The following TOX variants were observed in gnomAD, a reference collection of about 807,000 sequenced individuals.
TOX encodes the protein thymocyte selection-associated high mobility group box protein TOX.
A neutral mutation model predicts 53.7 loss-of-function variants in TOX; 11 were observed. The observed-to-expected ratio is 0.20, with a 90% CI of 0.13 to 0.34. TOX has a LOEUF of 0.34. Ranked by LOEUF, TOX falls within the 10% of genes least tolerant of loss-of-function variation. TOX has a pLI of 1.00. For missense variants in TOX, 570 were observed against 664.6 expected, an observed-to-expected ratio of 0.86 and a Z score of 1.56; for synonymous variants, 225 against 245.3, an observed-to-expected ratio of 0.92 and a Z score of 0.77.
intron 3 of TOX, among the ~76,000 whole-genome samples, chr8:58,884,552 G>A (rs1467650811): frequency 6.6e-6 from 1 of 152,132 alleles, no homozygotes; most frequent in Non-Finnish European, 1.5e-5. Flanking sequence ...AGCTTTGCAG[G>A]TATAAGAAGG....
chr8:58,932,191 G>A (rs1410098767), intron 3 of TOX, among the ~76,000 whole-genome samples: 3 of 150,994 alleles, frequency 2.0e-5, no homozygotes, highest in Non-Finnish European at 4.4e-5. Flanking sequence ...TCAAAACTAA[G>A]AACAAAAAAA....
chr8:58,922,376 C>A (rs901016072), intron 3 of TOX, among the ~76,000 whole-genome samples: 1 of 152,224 alleles, frequency 6.6e-6, no homozygotes, highest in African/African-American at 2.4e-5. Context: ...TTGAAATGTG[C>A]ATGCGTGTGT....
chr8:58,887,049 T>G (rs962513422), intron 3 of TOX, among the ~76,000 whole-genome samples: 4 of 151,910 alleles, frequency 2.6e-5, no homozygotes, highest in African/African-American at 9.7e-5. Context: ...TTATTAAATT[T>G]TAAAAATAGA....
chr8:58,871,334 T>C (rs1407760375), intron 3 of TOX, among the ~76,000 whole-genome samples: 1 of 152,126 alleles, frequency 6.6e-6, no homozygotes, highest in Non-Finnish European at 1.5e-5. Flanking sequence ...ATAGTGCATA[T>C]AGGAAAGTAG....
chr8:58,955,151 C>G (rs975229394), intron 2 of TOX, among the ~76,000 whole-genome samples: 14 of 152,086 alleles, frequency 9.2e-5, no homozygotes, highest in South Asian at 2.1e-4. Context: ...TTTTATCATT[C>G]TTATTTTTAA....
At chr8:58,929,718 A>G (rs1012812615) in intron 3 of TOX, among the ~76,000 whole-genome samples, 3 of 152,144 alleles carry the variant, frequency 2.0e-5, no homozygotes, top group Non-Finnish European at 4.4e-5. Flanking sequence ...TCAAGCAAAA[A>G]GCAAGTCAAA....
intron 5 of TOX, among the ~76,000 whole-genome samples, chr8:58,828,602 C>A (rs1360885205): frequency 6.6e-6 from 1 of 151,504 alleles, no homozygotes; most frequent in South Asian, 2.1e-4. Context: ...GAAATTCACA[C>A]GTGAAAACAA....
At chr8:59,116,772 G>A (rs1184188307) in intron 1 of TOX, among the ~76,000 whole-genome samples, 1 of 152,172 alleles carries the variant, frequency 6.6e-6, no homozygotes, top group African/African-American at 2.4e-5. Flanking sequence ...CTCGCAACTA[G>A]TCTACAGAAA....
intron 3 of TOX, among the ~76,000 whole-genome samples, chr8:58,908,230 A>T (rs973644162): frequency 1.3e-5 from 2 of 152,118 alleles, no homozygotes; most frequent in Non-Finnish European, 2.9e-5. Context: ...TCATCATAGA[A>T]CTGTACAGTA....
intron 1 of TOX, among the ~76,000 whole-genome samples, chr8:59,102,379 C>T (rs1804822086): frequency 6.6e-6 from 1 of 152,076 alleles, no homozygotes; most frequent in Non-Finnish European, 1.5e-5. Flanking sequence ...AGGCACATGC[C>T]ACCACACCTG....
In TOX at chr8:59,118,797, A is replaced by C; in HGVS notation, c.102+89T>G. 9.6e-7 allele frequency: 1 copy of C among 1,038,260 alleles called. No individual in the cohort carries two copies. Among genetic ancestry groups the C allele is most frequent in the African/African-American group, 1.7e-5 (1 of 58,148 alleles). The allele number at this position is 1,038,260 out of a possible 1,614,324, so 64.3% of individuals were successfully genotyped here. A position where few individuals can be genotyped will look rare whatever the true frequency, so the allele number is the denominator to read the frequency against. ...AGCGCGCCCGGGACCGGCCTCCGCC[A>C]AGCCGGCCCCGCCGCGGCCCGGCCA... On this transcript the variant is annotated intron_variant, in intron 1 of 8. Transcript: ENST00000361421. The surrounding 1 kb of genome is among the most constrained non-coding windows in gnomAD (Gnocchi z 4.1).
At chr8:58,926,351 A>C (rs1812159620) in intron 3 of TOX, among the ~76,000 whole-genome samples, 1 of 152,186 alleles carries the variant, frequency 6.6e-6, no homozygotes, top group South Asian at 2.1e-4. Flanking sequence ...ATGGGGGGAC[A>C]TGAGTATGCT....
intron 1 of TOX, among the ~76,000 whole-genome samples, chr8:58,976,615 C>A (rs747174658): frequency 6.6e-6 from 1 of 152,172 alleles, no homozygotes; most frequent in Non-Finnish European, 1.5e-5. Flanking sequence ...TTTTACTTTA[C>A]CTTTCCCAGG....
chr8:58,936,827 A>G (rs1393563086), intron 3 of TOX, among the ~76,000 whole-genome samples: 1 of 152,210 alleles, frequency 6.6e-6, no homozygotes, highest in Admixed American at 6.5e-5. Context: ...TAGAATCAAC[A>G]TCATTAACGA....
At chr8:58,895,419 C>G (rs956220336) in intron 3 of TOX, among the ~76,000 whole-genome samples, 1 of 152,126 alleles carries the variant, frequency 6.6e-6, no homozygotes, top group African/African-American at 2.4e-5. Context: ...TATTATCCTA[C>G]TCATTTTTGT....
At chr8:58,811,206 CATG>C (rs1810070252) in intron 7 of TOX, among the ~76,000 whole-genome samples, 3 of 152,136 alleles carry the variant, frequency 2.0e-5, no homozygotes, top group African/African-American at 7.2e-5. Flanking sequence ...TATGAAACAA[CATG>C]ATGACACACA....
At chr8:58,936,930 C>T (rs1347986115) in intron 3 of TOX, among the ~76,000 whole-genome samples, 1 of 152,222 alleles carries the variant, frequency 6.6e-6, no homozygotes, top group Non-Finnish European at 1.5e-5. Flanking sequence ...ATTGGTCCCT[C>T]AGTCCCACTA....
At chr8:59,016,263 T>G (rs977319993) in intron 1 of TOX, among the ~76,000 whole-genome samples, 1 of 152,174 alleles carries the variant, frequency 6.6e-6, no homozygotes, top group Non-Finnish European at 1.5e-5. Flanking sequence ...AAACAGGTAT[T>G]TTTTAATAAC....
intron 3 of TOX, among the ~76,000 whole-genome samples, chr8:58,934,526 C>T (rs1013148013): frequency 2.6e-5 from 4 of 152,238 alleles, no homozygotes; most frequent in Non-Finnish European, 4.4e-5. Flanking sequence ...AAGTTACTCA[C>T]GGTCACACAG....
Sources: allele counts gnomAD v4.1 joint callset (sites outside exome capture counted in the v4.1 genomes callset), GRCh38; gene constraint gnomAD v4.1.1; non-coding constraint Gnocchi (gnomAD v3.1); transcripts MANE v1.5; gene names NCBI Gene and HGNC (gene_info 2026-07-23, HGNC 2026-07-21).